KRT28: variants seen among roughly 807,000 people sequenced by gnomAD.
KRT28 encodes the protein keratin, type I cytoskeletal 28.
A neutral mutation model predicts 48.1 loss-of-function variants in KRT28; 45 were observed. That is an observed-to-expected ratio of 0.94 (90% CI 0.74 to 1.20). The LOEUF is 1.20. Among genes scored for constraint, KRT28 ranks in the 50% most tolerant of loss-of-function variants. The pLI is 0.00. For synonymous variants in KRT28, 228 were observed against 227.4 expected (o/e 1.00, Z -0.03); for missense variants, 571 against 574.1 (o/e 0.99, Z 0.06).
chr17:40,799,558 A>C lies in KRT28; in HGVS notation c.336T>G (p.Ala112=), dbSNP rs779347728. The C allele has an allele frequency of 1.9e-6, 3 of 1,614,192 alleles. No homozygotes were observed. Among genetic ancestry groups the C allele is most frequent in the Non-Finnish European group, 2.5e-6 (3 of 1,180,038 alleles). Residue 112 remains alanine (A), a synonymous_variant, in exon 1 of 8, where the codon GCT becomes GCG. Coordinates refer to ENST00000306658, the MANE Select transcript of KRT28 (RefSeq NM_181535.3). ...DNVRALEEAN[A]ELERKIKGWY... ...AACCCTTGATTTTTCTCTCTAATTCAGCATTTGCCTCCTCCAGAGCTCGCA... is the reference window on the plus strand; with the variant it reads ...AACCCTTGATTTTTCTCTCTAATTCCGCATTTGCCTCCTCCAGAGCTCGCA...
At position 40,797,152 on chromosome 17, in the gene KRT28, G is replaced by T. The variant is rs568772319; in HGVS notation, c.820C>A (p.Arg274Ser). ...TTGAACCAGGCCTCCGCGTCCTTGC[G>T]GTTCTGCTCTGCAAGGGCTTCGTAC... ...AEYEALAEQN[R>S]KDAEAWFNEK... The change falls in exon 4 of 8, where the codon CGC becomes AGC. Residue 274 changes from arginine to serine, a missense_variant. Transcript: ENST00000306658. 55 of 1,614,018 alleles carry T rather than the reference G, an allele frequency of 3.4e-5. No individual in the cohort carries two copies. In the South Asian group the frequency reaches 3.7e-4, roughly 11 times the overall value.
chr17:40,797,418 A>G, intron 3 of KRT28, 137 bp from the exon 4 acceptor site: 2 of 795,224 alleles, frequency 2.5e-6, no homozygotes, highest in South Asian at 1.8e-5. Flanking sequence ...TTTAATTGAC[A>G]TATTCGGTCC....
chr17:40,794,121 C>A, intron 5 of KRT28, 75 bp from the exon 6 acceptor site: 1 of 1,547,968 alleles, frequency 6.5e-7, no homozygotes, highest in Non-Finnish European at 8.9e-7. Flanking sequence ...TCTCAGTAAT[C>A]AGCAGGATTG....
At chr17:40,798,541 C>T in intron 2 of KRT28, 150 bp from the exon 3 acceptor site, 1 of 771,288 alleles carries the variant, frequency 1.3e-6, no homozygotes, top group East Asian at 2.7e-5. Context: ...TCCTGCATTA[C>T]CCCCACTCAA....
chr17:40,793,361 A>G, intron 6 of KRT28, 151 bp from the exon 7 acceptor site: 2 of 539,802 alleles, frequency 3.7e-6, no homozygotes, highest in Non-Finnish European at 6.6e-6. Context: ...TAGGAGCTGA[A>G]AGTAATTAAA....
intron 3 of KRT28, among the ~76,000 whole-genome samples, chr17:40,797,821 AG>A (rs1275060877): frequency 1.3e-4 from 20 of 152,200 alleles, no homozygotes; most frequent in South Asian, 6.2e-4. Context: ...CACCAAAAAC[AG>A]TCATAGCACC....
At chr17:40,798,499 G>A (rs1324387207) in intron 2 of KRT28, 108 bp from the exon 3 acceptor site, 3 of 1,191,510 alleles carry the variant, frequency 2.5e-6, no homozygotes, top group Non-Finnish European at 3.5e-6. Context: ...AATTAGGACT[G>A]TAAATAGTAT....
Position 40,793,968 on chromosome 17 carries a change from C to T in KRT28, c.1057G>A (p.Gly353Arg), listed in dbSNP as rs749156871. Residue 353 changes from glycine to arginine, a missense_variant, in exon 6 of 8, where the codon GGG becomes AGG. Gly to Arg is a moderately radical substitution (Grantham distance 125). Coordinates refer to ENST00000306658, the MANE Select transcript of KRT28 (RefSeq NM_181535.3). ...TGGTGCAGCTGCTCCTCCAGGGCCC[C>T]GATCTGAGCCTGGATCTGCGCCAGC... ...TQLAQIQAQI[G>R]ALEEQLHQVR... 9.9e-6 allele frequency: 16 copies of T among 1,613,778 alleles called. No individual in the cohort carries two copies. The highest frequency in any genetic ancestry group is 1.6e-4 in the Middle Eastern group (1 of 6,078).
At chr17:40,796,773 T>C in intron 5 of KRT28, 143 bp downstream of exon 5, 1 of 1,143,502 alleles carries the variant, frequency 8.7e-7, no homozygotes, top group Non-Finnish European at 1.2e-6. Flanking sequence ...TATGCATCTG[T>C]TTTTTCCTGC....
At chr17:40,792,645 T>C (rs925446018) in intron 7 of KRT28, 76 bp from the exon 8 acceptor site, 3 of 1,063,628 alleles carry the variant, frequency 2.8e-6, no homozygotes, top group African/African-American at 3.2e-5. Flanking sequence ...TTCAATATAA[T>C]ATATTATGCA....
intron 7 of KRT28, among the ~76,000 whole-genome samples, chr17:40,792,787 G>C (rs1904522811): frequency 1.3e-5 from 2 of 152,140 alleles, no homozygotes; most frequent in Non-Finnish European, 2.9e-5. Context: ...GTGTATGACT[G>C]CCATTAATGT....
At chr17:40,797,342 T>C in intron 3 of KRT28, 61 bp from the exon 4 acceptor site, 1 of 1,499,180 alleles carries the variant, frequency 6.7e-7, no homozygotes, top group Non-Finnish European at 9.1e-7. Flanking sequence ...GTCTGAGAAG[T>C]TCTCAAACGT....
At chr17:40,795,121 C>T (rs1904582259) in intron 5 of KRT28, among the ~76,000 whole-genome samples, 1 of 152,156 alleles carries the variant, frequency 6.6e-6, no homozygotes, top group Non-Finnish European at 1.5e-5. Flanking sequence ...AACGGGCAGA[C>T]ATTGGGTCTA....
Position 40,793,974 on chromosome 17 carries a change from G to C in KRT28, c.1051C>G (p.Gln351Glu), listed in dbSNP as rs1904551644. Residue 351 changes from glutamine to glutamate, a missense_variant, in exon 6 of 8, where the codon CAG (glutamine) becomes GAG (glutamate). By Grantham distance (29) the Gln-to-Glu change is conservative. Transcript: ENST00000306658. ...YCTQLAQIQA[Q>E]IGALEEQLHQ... ...AGCTGCTCCTCCAGGGCCCCGATCT[G>C]AGCCTGGATCTGCGCCAGCTGCGTA... 1.2e-6 allele frequency: 2 copies of C among 1,613,974 alleles called. No homozygotes were observed. The highest frequency in any genetic ancestry group is 1.3e-5 in the African/African-American group (1 of 75,034).
chr17:40,797,009 G>A lies in KRT28; in HGVS notation c.885C>T (p.Asp295=). The change falls in exon 5 of 8, where the codon GAC becomes GAT. Residue 295 remains aspartate (D), a synonymous_variant. Transcript: ENST00000306658. ...TCCGGGCGAAAGTGGCTGCGCCTGA[G>A]TCGTGGGAGATCTGTTGCTGCAGCG... The part of the protein sequence containing the change: ...SASLQQQISH[D]SGAATFARSQ... 2 of 1,613,092 alleles carry A rather than the reference G, an allele frequency of 1.2e-6. No individual in the cohort carries two copies. The highest frequency in any genetic ancestry group is 8.5e-7 in the Non-Finnish European group (1 of 1,179,650).
Position 40,793,281 on chromosome 17 carries a change from A to G in KRT28, c.1197-71T>C, listed in dbSNP as rs542380881. 3.9e-5 allele frequency: 39 copies of G among 991,914 alleles called. No homozygotes were observed. The Admixed American group carries it at 9.6e-4, about 24-fold the overall frequency. The allele number at this position is 991,914 out of a possible 1,614,324, so 61.4% of individuals were successfully genotyped here. A position where few individuals can be genotyped will look rare whatever the true frequency, so the allele number is the denominator to read the frequency against. ...CGCTTCAGAAATATTCATTGACTCA[A>G]TGAATGAAATTTGTATGCCAAAAAC... On this transcript the variant is annotated intron_variant, in intron 6 of 7. Coordinates refer to ENST00000306658, the MANE Select transcript of KRT28 (RefSeq NM_181535.3).
intron 5 of KRT28, among the ~76,000 whole-genome samples, chr17:40,795,586 G>T (rs1904594392): frequency 6.6e-6 from 1 of 152,330 alleles, no homozygotes; most frequent in South Asian, 2.1e-4. Flanking sequence ...GGGCCTCAGG[G>T]ATGTAAGTTA....
rs769086519 is a variant in KRT28 at position 40,799,018 on chromosome 17, G to T, written c.451-19C>A. 1.4e-6 allele frequency: 2 copies of T among 1,406,884 alleles called. No homozygotes were observed. The highest frequency in any genetic ancestry group is 1.3e-5 in the South Asian group (1 of 79,490). 87.2% of individuals were successfully genotyped at this position (1,406,884 alleles called of 1,614,324 possible). A position where few individuals can be genotyped will look rare whatever the true frequency, so the allele number is the denominator to read the frequency against. On this transcript the variant is annotated intron_variant, in intron 1 of 7. Coordinates refer to ENST00000306658, the MANE Select transcript of KRT28 (RefSeq NM_181535.3). ...AGATAATCTAGAATAAACCAAAACAGAGAACACAACAAGTAAGTATGCTTT... is the reference window on the plus strand; with the variant it reads ...AGATAATCTAGAATAAACCAAAACATAGAACACAACAAGTAAGTATGCTTT...
chr17:40,795,606 C>T (rs1904595035), intron 5 of KRT28, among the ~76,000 whole-genome samples: 1 of 152,208 alleles, frequency 6.6e-6, no homozygotes, highest in Non-Finnish European at 1.5e-5. Flanking sequence ...AGGTACTATG[C>T]TCCCATTATT....
Sources: gnomAD v4.1 joint callset for allele counts (sites outside exome capture counted in the v4.1 genomes callset) on GRCh38, gnomAD v4.1.1 for gene constraint, MANE v1.5 for transcripts, NCBI Gene and HGNC (gene_info 2026-07-23, HGNC 2026-07-21) for gene names.